Variants in FBXO4 observed in about 807,000 individuals in gnomAD.
FBXO4 encodes F-box protein 4.
A neutral mutation model predicts 43.7 loss-of-function variants in FBXO4; 36 were observed. The observed-to-expected ratio is 0.82, with a 90% CI of 0.63 to 1.09. The LOEUF (loss-of-function observed/expected upper bound fraction) is 1.09. Among genes scored for constraint, FBXO4 ranks in the 50% least tolerant of loss-of-function variants. The probability of loss-of-function intolerance (pLI) is 0.00; values close to 1 mark genes in which losing one functional copy is unlikely to be tolerated. For missense variants in FBXO4, 435 were observed against 474.1 expected (o/e 0.92, Z 0.77); for synonymous variants, 180 against 165.6 (o/e 1.09, Z -0.67).
the FBXO4 span, among the ~76,000 whole-genome samples, chr5:41,947,175 CTG>C: frequency 6.6e-6 from 1 of 151,988 alleles, no homozygotes; most frequent in Admixed American, 6.6e-5. Flanking sequence ...ACAAATGAGA[CTG>C]GGGCAAATGA....
the FBXO4 span, among the ~76,000 whole-genome samples, chr5:41,962,006 C>G: frequency 4.6e-5 from 7 of 152,148 alleles, no homozygotes; most frequent in African/African-American, 1.7e-4. Context: ...TGTGCATATT[C>G]CCAATATTTT....
At chr5:41,995,695 C>T in the FBXO4 span, among the ~76,000 whole-genome samples, 2 of 152,224 alleles carry the variant, frequency 1.3e-5, no homozygotes, top group Non-Finnish European at 2.9e-5. Flanking sequence ...ACATGAGATA[C>T]AAATATCTTC....
downstream of FBXO4, among the ~76,000 whole-genome samples, chr5:41,942,427 T>TATAA (rs1291972006): frequency 5.1e-3 from 777 of 152,166 alleles, 7 homozygotes; most frequent in African/African-American, 0.018. Context: ...AGCTATCTTT[T>TATAA]TTTAAAATGG....
At chr5:41,936,307 C>A (rs1323894332) in intron 5 of FBXO4, among the ~76,000 whole-genome samples, 1 of 152,126 alleles carries the variant, frequency 6.6e-6, no homozygotes, top group Non-Finnish European at 1.5e-5. Context: ...CCAAGGCGGG[C>A]AGATTGCTTG....
At chr5:42,030,695 C>T in the FBXO4 span, among the ~76,000 whole-genome samples, 1,611 of 150,202 alleles carry the variant, frequency 0.011, 57 homozygotes, top group East Asian at 0.073. Context: ...AGAAAATTTT[C>T]GCAACCTACT....
chr5:42,017,144 G>A, the FBXO4 span, among the ~76,000 whole-genome samples: 5 of 151,912 alleles, frequency 3.3e-5, no homozygotes, highest in South Asian at 6.2e-4. Flanking sequence ...CGATTGAGAA[G>A]AACACAGCTT....
At chr5:41,971,620 C>G in the FBXO4 span, among the ~76,000 whole-genome samples, 2 of 151,742 alleles carry the variant, frequency 1.3e-5, no homozygotes, top group Non-Finnish European at 2.9e-5. Context: ...CATCTAGTGT[C>G]CTCATCTTCT....
the FBXO4 span, among the ~76,000 whole-genome samples, chr5:41,958,283 C>T: frequency 4.6e-5 from 7 of 151,996 alleles, no homozygotes; most frequent in Admixed American, 3.9e-4. Flanking sequence ...TATAGGCGCC[C>T]GCCACCACAC....
chr5:41,996,240 C>T, the FBXO4 span, among the ~76,000 whole-genome samples: 38 of 152,298 alleles, frequency 2.5e-4, no homozygotes, highest in African/African-American at 6.7e-4. Context: ...CTGCTGTGCA[C>T]GACCCACTTT....
At chr5:41,977,952 G>C in the FBXO4 span, among the ~76,000 whole-genome samples, 5 of 152,064 alleles carry the variant, frequency 3.3e-5, no homozygotes, top group African/African-American at 1.2e-4. Context: ...GTCCATTCTT[G>C]TGTCTCTATA....
chr5:41,999,133 T>C, the FBXO4 span, among the ~76,000 whole-genome samples: 1 of 151,696 alleles, frequency 6.6e-6, no homozygotes, highest in Non-Finnish European at 1.5e-5. Flanking sequence ...CTCTCACAGG[T>C]GGTGAATCAA....
At chr5:41,982,313 A>T in the FBXO4 span, among the ~76,000 whole-genome samples, 1 of 152,160 alleles carries the variant, frequency 6.6e-6, no homozygotes, top group Admixed American at 6.5e-5. Context: ...TAGATCCCTG[A>T]GGAATCGCCA....
At chr5:41,948,137 CT>C in the FBXO4 span, among the ~76,000 whole-genome samples, 10,444 of 137,792 alleles carry the variant, frequency 0.076, 345 homozygotes, top group African/African-American at 0.14. Flanking sequence ...TGGCTACAAT[CT>C]TTTTTTTTTT....
the FBXO4 span, among the ~76,000 whole-genome samples, chr5:41,972,258 T>C: frequency 6.6e-6 from 1 of 152,038 alleles, no homozygotes; most frequent in Non-Finnish European, 1.5e-5. Flanking sequence ...TTTCAGGGTA[T>C]AAAAATCAAT....
chr5:41,990,140 G>A, the FBXO4 span, among the ~76,000 whole-genome samples: 6 of 152,046 alleles, frequency 3.9e-5, no homozygotes, highest in South Asian at 2.1e-4. Flanking sequence ...ATAAGTTTCC[G>A]ATTTCAATGA....
chr5:41,934,153 G>T lies in FBXO4; in HGVS notation c.743G>T (p.Arg248Met). 1 of 1,613,988 alleles carries T rather than the reference G, an allele frequency of 6.2e-7. No homozygotes were observed. The part of the protein sequence containing the change: ...STTRKERDRA[R>M]EEHTSAVNKM... ...TCTAGAAAGGAAAGAGATAGAGCAAGGGAAGAGCATACAAGTGCAGTTAAC... is the reference window on the plus strand; with the variant it reads ...TCTAGAAAGGAAAGAGATAGAGCAATGGAAGAGCATACAAGTGCAGTTAAC... The change falls in exon 5 of 7, where the codon AGG (arginine) becomes ATG (methionine). Residue 248 changes from arginine (R) to methionine (M), a missense_variant. Physicochemically the swap from Arg to Met is moderately conservative, Grantham distance 91. Coordinates refer to ENST00000281623, the MANE Select transcript of FBXO4 (RefSeq NM_012176.3).
chr5:42,031,409 T>C, the FBXO4 span, among the ~76,000 whole-genome samples: 1 of 127,802 alleles, frequency 7.8e-6, no homozygotes, highest in East Asian at 2.3e-4. Context: ...AATTGAACAA[T>C]GAGAACACAT....
the FBXO4 span, among the ~76,000 whole-genome samples, chr5:41,987,239 T>C: frequency 1.3e-3 from 196 of 152,288 alleles, no homozygotes; most frequent in African/African-American, 4.4e-3. Flanking sequence ...AAAATGGAAA[T>C]AATAAATATT....
chr5:41,933,751 G>A (rs1317996118), intron 3 of FBXO4, among the ~76,000 whole-genome samples, 195 bp from the exon 4 acceptor site: 3 of 151,958 alleles, frequency 2.0e-5, no homozygotes, highest in Non-Finnish European at 4.4e-5. Flanking sequence ...TTCTTTCTCT[G>A]TATTTTTATT....
Sources: allele counts gnomAD v4.1 joint callset (sites outside exome capture counted in the v4.1 genomes callset), GRCh38; gene constraint gnomAD v4.1.1; transcripts MANE v1.5; gene names NCBI Gene and HGNC (gene_info 2026-07-23, HGNC 2026-07-21).